The following ATP1B4 variants were observed in gnomAD, a reference collection of about 807,000 sequenced individuals.
The protein encoded by ATP1B4 is protein ATP1B4.
ATP1B4 carries 32 observed loss-of-function variants against 29.6 expected under a neutral mutation model. That is an observed-to-expected ratio of 1.08 (90% confidence interval 0.82 to 1.45). The LOEUF is 1.45. Among genes scored for constraint, ATP1B4 ranks in the 40% most tolerant of loss-of-function variants. The probability of loss-of-function intolerance (pLI) is 0.00; values close to 1 mark genes in which losing one functional copy is unlikely to be tolerated. For synonymous variants in ATP1B4, 127 were observed against 102.1 expected (o/e 1.24, Z -1.47); for missense variants, 323 against 276.2 (o/e 1.17, Z -1.20).
chrX:120,377,078 A>G (rs895673781), intron 6 of ATP1B4, among the ~76,000 whole-genome samples: 1 of 112,234 alleles, frequency 8.9e-6, no homozygotes, highest in African/African-American at 3.2e-5. Context: ...TATGACATCA[A>G]CTGCACCCCC....
chrX:120,369,653 A>G (rs2058303142), intron 2 of ATP1B4, among the ~76,000 whole-genome samples: 1 of 111,626 alleles, frequency 9.0e-6, no homozygotes, highest in Non-Finnish European at 1.9e-5. Context: ...CATTCACTTC[A>G]CTCAGTGTTG....
In ATP1B4 at chrX:120,376,233, T is replaced by G. The variant is rs140824579; in HGVS notation, c.760-147T>G. 156 of 483,395 alleles carry G rather than the reference T, an allele frequency of 3.2e-4. No homozygotes were observed. In the African/African-American group the frequency reaches 3.3e-3, roughly 10 times the overall value. 39.8% of individuals were successfully genotyped at this position (483,395 alleles called of 1,213,427 possible). A position where few individuals can be genotyped will look rare whatever the true frequency, so the allele number is the denominator to read the frequency against. On this transcript the variant is annotated intron_variant, in intron 5 of 7. Coordinates refer to ENST00000218008, the MANE Select transcript of ATP1B4 (RefSeq NM_001142447.3). ...AGCTCTGAAGATGTTTTTCATTTTT[T>G]GCTTTTTGTAACATTTCTGAGAAGG... is the stretch of plus-strand genomic sequence containing the variant.
intron 4 of ATP1B4, among the ~76,000 whole-genome samples, chrX:120,373,034 G>A (rs1424999325): frequency 8.9e-6 from 1 of 112,202 alleles, no homozygotes; most frequent in Non-Finnish European, 1.9e-5. Flanking sequence ...ATTCTGACCT[G>A]ATGATGATGG....
rs1430427118 is a variant in ATP1B4 at position 120,368,640 on chromosome X, G to A, written c.328+1851G>A. On this transcript the variant is annotated intron_variant, in intron 2 of 7. Coordinates refer to ENST00000218008, the MANE Select transcript of ATP1B4 (RefSeq NM_001142447.3). ...AGTGCTGGGATTACAAATCCTGGTT[G>A]GATGAACACCAAAGTTCATTCTTTT... 5.4e-5 allele frequency among the ~76,000 whole-genome samples: 6 copies of A among 111,740 alleles called. No homozygotes were observed. The Admixed American group carries it at 5.7e-4, about 11-fold the overall frequency.
In ATP1B4 at chrX:120,375,466, C is replaced by T. The variant is rs764008679; in HGVS notation, c.657C>T (p.Ala219=). 3 of 1,211,202 alleles carry T rather than the reference C, an allele frequency of 2.5e-6. No individual in the cohort carries two copies. In the East Asian group the frequency reaches 8.9e-5, roughly 36 times the overall value. ...QDGNEDEDKK[A]CQFKRSFLKN... ...GCAATGAGGATGAGGACAAGAAGGC[C>T]TGCCAATTTAAGCGCTCCTTCCTAA... The change falls in exon 5 of 8, where the codon GCC becomes GCT. Residue 219 remains alanine (A), a synonymous_variant. Coordinates refer to ENST00000218008, the MANE Select transcript of ATP1B4 (RefSeq NM_001142447.3).
chrX:120,376,503 T>G (rs922767369), intron 6 of ATP1B4, 67 bp downstream of exon 6: 1 of 969,331 alleles, frequency 1.0e-6, no homozygotes, highest in African/African-American at 1.9e-5. Flanking sequence ...GTCCATCACT[T>G]TCAAGGACTT....
intron 6 of ATP1B4, among the ~76,000 whole-genome samples, chrX:120,378,107 A>G (rs1017137912): frequency 1.8e-5 from 2 of 111,477 alleles, no homozygotes; most frequent in African/African-American, 6.5e-5. Flanking sequence ...AGCACTACAG[A>G]GAATATGGTC....
chrX:120,375,744 C>A (rs998945533), intron 5 of ATP1B4, among the ~76,000 whole-genome samples, 176 bp downstream of exon 5: 2 of 109,442 alleles, frequency 1.8e-5, no homozygotes, highest in South Asian at 4.1e-4. Flanking sequence ...CCCCGCCCAC[C>A]GAGCACTTCC....
chrX:120,365,818 G>A (rs753863938), intron 1 of ATP1B4, among the ~76,000 whole-genome samples: 3 of 112,123 alleles, frequency 2.7e-5, no homozygotes, highest in African/African-American at 3.2e-5. Flanking sequence ...TATGTATTAC[G>A]TGCCCAGCTT....
intron 2 of ATP1B4, among the ~76,000 whole-genome samples, chrX:120,367,740 G>A (rs921614075): frequency 7.2e-5 from 8 of 111,595 alleles, no homozygotes; most frequent in African/African-American, 2.6e-4. Context: ...TAAAGGCCCC[G>A]TTGGCTAAGA....
intron 6 of ATP1B4, 132 bp from the exon 7 acceptor site, chrX:120,378,546 T>C (rs1482672107): frequency 1.8e-6 from 1 of 563,714 alleles, no homozygotes; most frequent in Non-Finnish European, 3.0e-6. Context: ...TGCTCCATTC[T>C]GCTTTCATGG....
chrX:120,376,837 C>T (rs1176268527), intron 6 of ATP1B4, among the ~76,000 whole-genome samples: 1 of 112,409 alleles, frequency 8.9e-6, no homozygotes, highest in African/African-American at 3.2e-5. Context: ...TCATTAGTTC[C>T]CAGATTTTAA....
intron 5 of ATP1B4, 139 bp from the exon 6 acceptor site, chrX:120,376,241 G>C: frequency 3.7e-6 from 2 of 538,018 alleles, no homozygotes; most frequent in East Asian, 7.2e-5. Context: ...TTTGCTTTTT[G>C]TAACATTTCT....
At position 120,375,435 on chromosome X, in the gene ATP1B4, A is replaced by G; in HGVS notation, c.626A>G (p.Gln209Arg). 2.5e-6 allele frequency: 3 copies of G among 1,210,902 alleles called. No homozygotes were observed. The highest frequency in any genetic ancestry group is 3.4e-6 in the Non-Finnish European group (3 of 894,699). Reference sequence around the variant, plus strand: ...TGTCCCCCGGGGCAGTACTTCATCCAAGATGGCAATGAGGATGAGGACAAG... The same window carrying G: ...TGTCCCCCGGGGCAGTACTTCATCCGAGATGGCAATGAGGATGAGGACAAG... ...VDCPPGQYFI[Q>R]DGNEDEDKKA... The change falls in exon 5 of 8, where the codon CAA becomes CGA. Residue 209 changes from glutamine to arginine, a missense_variant. Transcript: ENST00000218008.
chrX:120,364,863 CA>C (rs1400878220), intron 1 of ATP1B4, among the ~76,000 whole-genome samples: 2 of 111,580 alleles, frequency 1.8e-5, no homozygotes, highest in Non-Finnish European at 3.8e-5. Flanking sequence ...ACTACAGGTG[CA>C]TGCCACCATG....
At chrX:120,373,151 T>G (rs748481067) in intron 4 of ATP1B4, among the ~76,000 whole-genome samples, 2 of 111,877 alleles carry the variant, frequency 1.8e-5, no homozygotes, top group Non-Finnish European at 3.8e-5. Context: ...GAGTATCACT[T>G]TCACTCCCAT....
intron 4 of ATP1B4, among the ~76,000 whole-genome samples, chrX:120,374,753 A>ATATATATTATATATAAGGG (rs2058338989): frequency 3.1e-5 from 1 of 32,018 alleles, no homozygotes; most frequent in African/African-American, 1.3e-4. Context: ...AAGGGTGTAT[A>ATATATATTATATATAAGGG]TATATATATT....
chrX:120,372,234 A>T (rs1411149681), intron 4 of ATP1B4, among the ~76,000 whole-genome samples: 1 of 107,316 alleles, frequency 9.3e-6, no homozygotes, highest in East Asian at 2.9e-4. Flanking sequence ...GCATTTCTGC[A>T]CCTAATCTTT....
At position 120,379,462 on chromosome X, in the gene ATP1B4, T is replaced by A. The variant is rs753940789; in HGVS notation, c.913-11T>A. On this transcript the variant is annotated splice_polypyrimidine_tract_variant and intron_variant, in intron 7 of 7. Transcript: ENST00000218008. ...CCCCACACTTAGAATTCATTTTTCTTCTACCTGCAGGTTAACTACACATCC... is the reference window on the plus strand; with the variant it reads ...CCCCACACTTAGAATTCATTTTTCTACTACCTGCAGGTTAACTACACATCC... The A allele has an allele frequency of 2.8e-5, 33 of 1,197,993 alleles. No individual in the cohort carries two copies. Among genetic ancestry groups the A allele is most frequent in the Non-Finnish European group, 3.7e-5 (33 of 888,729 alleles).
Sources: allele counts gnomAD v4.1 joint callset (sites outside exome capture counted in the v4.1 genomes callset), GRCh38; gene constraint gnomAD v4.1.1; transcripts MANE v1.5; gene names NCBI Gene and HGNC (gene_info 2026-07-23, HGNC 2026-07-21).